Variants in TBX15 observed in about 807,000 individuals in gnomAD.
TBX15 encodes T-box transcription factor TBX15.
In TBX15, 18 loss-of-function variants were observed where a neutral mutation model predicts 53.9. The ratio of observed to expected loss-of-function variants is 0.33; its 90% CI spans 0.23 to 0.49. The LOEUF is 0.49. Ranked by LOEUF, TBX15 falls within the 20% of genes least tolerant of loss-of-function variation. TBX15 has a pLI of 0.98. For synonymous variants in TBX15, 295 were observed against 278.0 expected (o/e 1.06, Z -0.61); for missense variants, 692 against 749.5 (o/e 0.92, Z 0.90).
At chr1:118,939,767 A>G (rs1189321083) in intron 1 of TBX15, among the ~76,000 whole-genome samples, 1 of 151,902 alleles carries the variant, frequency 6.6e-6, no homozygotes, top group African/African-American at 2.4e-5. Context: ...TTAGCCTAGA[A>G]CAATATGCAA....
rs185661136 is a variant in TBX15, at chr1:118,929,045, C to A, written c.420-2434G>T. Among the ~76,000 whole-genome samples the A allele has an allele frequency of 2.3e-4, 35 of 152,238 alleles. No homozygotes were observed. The East Asian group carries it at 5.2e-3, about 23-fold the overall frequency. ...TCACAACAGTCTAAAGAAAAGTTAA[C>A]CTTTCATGTTTTACAAAAAGAGATG... On this transcript the variant is annotated intron_variant, in intron 2 of 7. Coordinates refer to ENST00000369429, the MANE Select transcript of TBX15 (RefSeq NM_001330677.2).
At chr1:118,942,367 A>G (rs1472668741) in intron 1 of TBX15, among the ~76,000 whole-genome samples, 2 of 152,364 alleles carry the variant, frequency 1.3e-5, no homozygotes, top group East Asian at 3.9e-4. Context: ...TTTTCGTTGA[A>G]TGAATTAATG....
chr1:118,907,581 G>A (rs1416104263), intron 6 of TBX15, among the ~76,000 whole-genome samples: 8 of 152,176 alleles, frequency 5.3e-5, no homozygotes, highest in Admixed American at 4.6e-4. Context: ...TCTTTCATGT[G>A]CAGGGTCTTG....
At chr1:118,902,906 G>T (rs955508933) in intron 6 of TBX15, among the ~76,000 whole-genome samples, 2 of 152,058 alleles carry the variant, frequency 1.3e-5, no homozygotes, top group Non-Finnish European at 2.9e-5. Context: ...TTATCTCCAA[G>T]TTTTTAAAAG....
At chr1:118,908,808 GCA>G (rs367727595) in intron 6 of TBX15, among the ~76,000 whole-genome samples, 67 of 148,718 alleles carry the variant, frequency 4.5e-4, no homozygotes, top group African/African-American at 1.5e-3. Context: ...ACTTATACTT[GCA>G]CACACACACA....
chr1:118,974,975 C>T (rs927599276), intron 1 of TBX15, among the ~76,000 whole-genome samples: 3 of 152,158 alleles, frequency 2.0e-5, no homozygotes, highest in Admixed American at 6.5e-5. Context: ...ACGAATTGCC[C>T]GTCATTGCAA....
chr1:118,942,474 AT>A (rs943448497), intron 1 of TBX15, among the ~76,000 whole-genome samples: 1 of 152,204 alleles, frequency 6.6e-6, no homozygotes, highest in Non-Finnish European at 1.5e-5. Context: ...CTTGAATGCT[AT>A]TCTTCTCATC....
intron 1 of TBX15, among the ~76,000 whole-genome samples, 155 bp from the exon 2 acceptor site, chr1:118,931,987 T>A (rs1049790744): frequency 2.0e-5 from 3 of 152,054 alleles, no homozygotes; most frequent in Non-Finnish European, 4.4e-5. Context: ...GCACTCAGGG[T>A]ATTTTATTAT....
intron 4 of TBX15, 111 bp from the exon 5 acceptor site, chr1:118,923,714 A>G: frequency 7.7e-7 from 1 of 1,290,594 alleles, no homozygotes; most frequent in Non-Finnish European, 1.1e-6. Flanking sequence ...CACAGATTGG[A>G]GGTGAGATGT....
At chr1:118,910,459 G>C (rs1043805915) in intron 6 of TBX15, among the ~76,000 whole-genome samples, 1 of 152,074 alleles carries the variant, frequency 6.6e-6, no homozygotes, top group African/African-American at 2.4e-5. Context: ...CAATAGATGA[G>C]GTGCTTGATG....
chr1:118,936,984 C>A (rs1655991689), intron 1 of TBX15, among the ~76,000 whole-genome samples: 1 of 152,128 alleles, frequency 6.6e-6, no homozygotes, highest in Admixed American at 6.6e-5. Flanking sequence ...GACATAGAAA[C>A]TGTTAAGGAA....
chr1:118,940,289 T>C (rs1656129669), intron 1 of TBX15, among the ~76,000 whole-genome samples: 1 of 151,994 alleles, frequency 6.6e-6, no homozygotes, highest in Non-Finnish European at 1.5e-5. Context: ...TTAACATTAT[T>C]TAGTAAGTAA....
Position 118,926,597 on chromosome 1 carries a change from G to A in TBX15, c.434C>T (p.Ala145Val), listed in dbSNP as rs1655604094. The A allele has an allele frequency of 6.2e-7, 1 of 1,613,424 alleles. No homozygotes were observed. The highest frequency in any genetic ancestry group is 1.7e-5 in the Admixed American group (1 of 59,978). Residue 145 changes from alanine (A) to valine (V), a missense_variant, in exon 3 of 8, where the codon GCC becomes GTC. Coordinates refer to ENST00000369429, the MANE Select transcript of TBX15 (RefSeq NM_001330677.2). The part of the protein sequence containing the change: ...ITKAGRRMFP[A>V]MRVKITGLDP... Reference sequence around the variant, plus strand: ...TAGGCCAGTGATTTTCACTCTCATGGCAGGAAACATCCTCCTATGAAGATG... The same window carrying A: ...TAGGCCAGTGATTTTCACTCTCATGACAGGAAACATCCTCCTATGAAGATG...
At chr1:118,893,019 G>A (rs544215691) in intron 7 of TBX15, among the ~76,000 whole-genome samples, 1 of 152,020 alleles carries the variant, frequency 6.6e-6, no homozygotes, top group South Asian at 2.1e-4. Flanking sequence ...AATCACTTCA[G>A]GTCAGGAGTT....
At chr1:118,984,425 G>T (rs1451637385) in intron 1 of TBX15, among the ~76,000 whole-genome samples, 2 of 152,264 alleles carry the variant, frequency 1.3e-5, no homozygotes, top group Non-Finnish European at 2.9e-5. Context: ...AAAGGCCCAA[G>T]CCCTAGCTGA....
rs531159260 is a variant in TBX15, at chr1:118,987,847, C to A, written c.-52G>T. 6.5e-7 allele frequency: 1 copy of A among 1,540,548 alleles called. No homozygotes were observed. The highest frequency in any genetic ancestry group is 2.0e-5 in the Admixed American group (1 of 50,852). ...CTTGCCCCCGCTACCGAGGGAGCAG[C>A]CGGCGCCCTCAAGCTCTGAGCGCCC... On this transcript the variant is annotated 5_prime_UTR_variant, in exon 1 of 8. Coordinates refer to ENST00000369429, the MANE Select transcript of TBX15 (RefSeq NM_001330677.2).
rs1654533033 is a variant in TBX15, at chr1:118,899,212, A to G, written c.927-87T>C. 4.1e-6 allele frequency: 5 copies of G among 1,219,332 alleles called. 1 individual carries two copies. The highest frequency in any genetic ancestry group is 1.9e-5 in the Admixed American group (1 of 52,280). 75.5% of individuals were successfully genotyped at this position (1,219,332 alleles called of 1,614,324 possible). On this transcript the variant is annotated intron_variant, in intron 6 of 7. Transcript: ENST00000369429. ...CAGAGATCCAGAGGTGGACTGTCAAACAGGTAATAAAAACATAGATACTAA... is the reference window on the plus strand; with the variant it reads ...CAGAGATCCAGAGGTGGACTGTCAAGCAGGTAATAAAAACATAGATACTAA...
chr1:118,900,368 G>T (rs1654581855), intron 6 of TBX15, among the ~76,000 whole-genome samples: 1 of 152,108 alleles, frequency 6.6e-6, no homozygotes, highest in Non-Finnish European at 1.5e-5. Context: ...CAAGAATAAA[G>T]AAATTTTATT....
intron 1 of TBX15, among the ~76,000 whole-genome samples, chr1:118,975,023 A>G (rs1429632808): frequency 6.6e-6 from 1 of 152,240 alleles, no homozygotes; most frequent in East Asian, 1.9e-4. Flanking sequence ...TGAATCAATT[A>G]CCAATGAGAT....
Sources: gnomAD v4.1 joint callset for allele counts (sites outside exome capture counted in the v4.1 genomes callset) on GRCh38, gnomAD v4.1.1 for gene constraint, MANE v1.5 for transcripts, NCBI Gene and HGNC (gene_info 2026-07-23, HGNC 2026-07-21) for gene names.